The following CUL1 variants were observed in gnomAD, a reference collection of about 807,000 sequenced individuals.
CUL1 encodes cullin 1, also known as cullin-1.
Under a neutral mutation model 118.0 loss-of-function variants are expected in CUL1, and 24 were observed. The observed-to-expected ratio is 0.20, with a 90% CI of 0.15 to 0.29. The LOEUF is 0.29. Ranked by LOEUF, CUL1 falls within the 10% of genes least tolerant of loss-of-function variation. The pLI is 1.00. For missense variants in CUL1, 361 were observed against 933.8 expected (o/e 0.39, Z 7.99); for synonymous variants, 332 against 340.4 (o/e 0.98, Z 0.27).
intron 1 of CUL1, 101 bp from the exon 2 acceptor site, chr7:148,729,861 C>T (rs1798700301): frequency 2.7e-6 from 1 of 372,356 alleles, no homozygotes; most frequent in Admixed American, 4.4e-5. Flanking sequence ...GAGAAATGGT[C>T]TCTAGAGTGG....
At chr7:148,704,171 C>T (rs1797810979) in intron 1 of CUL1, among the ~76,000 whole-genome samples, 1 of 143,116 alleles carries the variant, frequency 7.0e-6, no homozygotes, top group African/African-American at 2.6e-5. Context: ...CCCCCACCCC[C>T]GTGGAAAAAA....
chr7:148,729,354 A>G (rs1360927876), intron 1 of CUL1, among the ~76,000 whole-genome samples: 4 of 152,206 alleles, frequency 2.6e-5, no homozygotes, highest in Admixed American at 2.6e-4. Context: ...CTCACCCAGT[A>G]GCACATGTAC....
chr7:148,795,046 T>A (rs1024859196), intron 17 of CUL1, among the ~76,000 whole-genome samples: 4 of 152,068 alleles, frequency 2.6e-5, no homozygotes, highest in Non-Finnish European at 5.9e-5. Context: ...TTGACCAGGC[T>A]GGTCTTGAAC....
At chr7:148,746,030 A>G (rs1227062931) in intron 2 of CUL1, among the ~76,000 whole-genome samples, 2 of 152,174 alleles carry the variant, frequency 1.3e-5, no homozygotes, top group Admixed American at 6.5e-5. Context: ...ACAGCTTTTA[A>G]GAAGCATTCG....
At chr7:148,740,261 G>T (rs1330265094) in intron 2 of CUL1, among the ~76,000 whole-genome samples, 4 of 151,974 alleles carry the variant, frequency 2.6e-5, no homozygotes, top group Non-Finnish European at 5.9e-5. Flanking sequence ...CACCATGTTG[G>T]CCAGGCTGGT....
intron 2 of CUL1, among the ~76,000 whole-genome samples, chr7:148,750,365 AGGTATAC>A (rs1326205332): frequency 6.6e-6 from 1 of 150,786 alleles, no homozygotes; most frequent in Non-Finnish European, 1.5e-5. Context: ...TTTGTTACAT[AGGTATAC>A]ATGTGTCATG....
intron 14 of CUL1, 88 bp from the exon 15 acceptor site, chr7:148,789,662 C>G (rs1800941401): frequency 2.1e-6 from 2 of 972,286 alleles, no homozygotes; most frequent in Admixed American, 3.9e-5. Flanking sequence ...GAGCAATCCA[C>G]ATTCATCTGA....
At chr7:148,731,148 C>T (rs950206595) in intron 2 of CUL1, among the ~76,000 whole-genome samples, 2 of 152,180 alleles carry the variant, frequency 1.3e-5, no homozygotes, top group Non-Finnish European at 2.9e-5. Context: ...GGAAAAGATG[C>T]GGCTCCCACT....
At chr7:148,734,808 C>G (rs1798887328) in intron 2 of CUL1, among the ~76,000 whole-genome samples, 1 of 152,116 alleles carries the variant, frequency 6.6e-6, no homozygotes, top group South Asian at 2.1e-4. Flanking sequence ...GGTTTCTGTT[C>G]ATTGTTCTGG....
chr7:148,708,349 A>C (rs1797951506), intron 1 of CUL1, among the ~76,000 whole-genome samples: 1 of 152,230 alleles, frequency 6.6e-6, no homozygotes, highest in Non-Finnish European at 1.5e-5. Context: ...TCAGAGACAC[A>C]GATTTCAGAC....
Position 148,766,638 on chromosome 7 carries a change from G to A in CUL1, c.867G>A (p.Arg289=). The A allele has an allele frequency of 6.2e-7, 1 of 1,613,764 alleles. No homozygotes were observed. The highest frequency in any genetic ancestry group is 1.1e-5 in the South Asian group (1 of 91,050). ...AAAGCACACAAGATGAATTAGCAAG[G>A]AAATGTGAACAAGTCCTCATTGAAA... The part of the protein sequence containing the change: ...LHESTQDELA[R]KCEQVLIEKH... The change falls in exon 8 of 22, where the codon AGG becomes AGA. Residue 289 remains arginine, a synonymous_variant. Transcript: ENST00000325222.
intron 1 of CUL1, among the ~76,000 whole-genome samples, chr7:148,699,483 C>G (rs559367265): frequency 6.6e-6 from 1 of 152,156 alleles, no homozygotes; most frequent in African/African-American, 2.4e-5. Flanking sequence ...TGCCCTTGCC[C>G]CCTCGCGCCC....
In CUL1 at chr7:148,787,642, A is replaced by G. The variant is rs140559131; in HGVS notation, c.1479+522A>G. ...TTCCCCACCCCACTGTGGGGCTTCC[A>G]TCCTACCCAGGCCTGGCTGGGCTCA... On this transcript the variant is annotated intron_variant, in intron 13 of 21. Transcript: ENST00000325222. This position sits in a 1 kb window ranked among gnomAD's most constrained non-coding sequence, Gnocchi z 5.5. Among the ~76,000 whole-genome samples, 2 of 151,910 alleles carry G rather than the reference A, an allele frequency of 1.3e-5. No homozygotes were observed. The highest frequency in any genetic ancestry group is 2.9e-5 in the Non-Finnish European group (2 of 67,902).
At chr7:148,742,267 G>C (rs1169450781) in intron 2 of CUL1, among the ~76,000 whole-genome samples, 1 of 152,140 alleles carries the variant, frequency 6.6e-6, no homozygotes. Context: ...AGGTTTAACG[G>C]ACTCAGAGTT....
intron 17 of CUL1, among the ~76,000 whole-genome samples, chr7:148,797,231 T>C (rs753028759): frequency 5.9e-4 from 90 of 152,208 alleles, no homozygotes; most frequent in Non-Finnish European, 9.6e-4. Flanking sequence ...ATTTCTTTTG[T>C]GATGATCAGT....
At chr7:148,789,158 T>G (rs1399250280) in intron 14 of CUL1, among the ~76,000 whole-genome samples, 1 of 152,204 alleles carries the variant, frequency 6.6e-6, no homozygotes, top group African/African-American at 2.4e-5. Flanking sequence ...TACATCATCT[T>G]TTGATCATCT....
At chr7:148,748,870 A>G (rs1799388534) in intron 2 of CUL1, among the ~76,000 whole-genome samples, 1 of 152,248 alleles carries the variant, frequency 6.6e-6, no homozygotes, top group Admixed American at 6.5e-5. Context: ...CATTTTGGAA[A>G]TCTAAACTGT....
rs576710464 is a variant in CUL1 at position 148,736,930 on chromosome 7, C to T, written c.140+6668C>T. Among the ~76,000 whole-genome samples the T allele has an allele frequency of 6.6e-5, 10 of 152,258 alleles. No individual in the cohort carries two copies. In the East Asian group the frequency reaches 1.4e-3, roughly 21 times the overall value. On this transcript the variant is annotated intron_variant, in intron 2 of 21. Coordinates refer to ENST00000325222, the MANE Select transcript of CUL1 (RefSeq NM_003592.3). ...GTACACCATATGGAAAGGAACTGTC[C>T]CTTATAAGGTGGTGGACTTCTATAT...
intron 1 of CUL1, among the ~76,000 whole-genome samples, chr7:148,725,199 A>G (rs996848728): frequency 3.3e-5 from 3 of 91,362 alleles, no homozygotes; most frequent in Non-Finnish European, 6.4e-5. Context: ...GCGCGCGTGT[A>G]CACACACACA....
Sources: allele counts gnomAD v4.1 joint callset (sites outside exome capture counted in the v4.1 genomes callset), GRCh38; gene constraint gnomAD v4.1.1; non-coding constraint Gnocchi (gnomAD v3.1); transcripts MANE v1.5; gene names NCBI Gene and HGNC (gene_info 2026-07-23, HGNC 2026-07-21).